Variants in STRN observed in about 807,000 individuals in gnomAD.
The protein encoded by STRN is striatin, also known as protein phosphatase 2 regulatory subunit B'''alpha.
In STRN, 53 loss-of-function variants were observed where a neutral mutation model predicts 96.3. The ratio of observed to expected loss-of-function variants is 0.55; its 90% CI spans 0.44 to 0.69. STRN has a LOEUF of 0.69. Ranked by LOEUF, STRN falls within the 30% of genes least tolerant of loss-of-function variation. STRN has a pLI of 0.00. For missense variants in STRN, 987 were observed against 963.9 expected (o/e 1.02, Z -0.32); for synonymous variants, 428 against 355.9 (o/e 1.20, Z -2.28).
intron 1 of STRN, among the ~76,000 whole-genome samples, chr2:36,939,855 T>C (rs1159714724): frequency 6.6e-6 from 1 of 152,208 alleles, no homozygotes; most frequent in Non-Finnish European, 1.5e-5. Flanking sequence ...AAAAGTCATA[T>C]ACTAGGGAAA....
intron 1 of STRN, among the ~76,000 whole-genome samples, chr2:36,957,742 G>GTTTTTTTGTTTT (rs1158709835): frequency 9.7e-6 from 1 of 103,132 alleles, no homozygotes. Context: ...TCTTCTTTTT[G>GTTTTTTTGTTTT]TCTTTTTTTT....
At chr2:36,958,363 G>A (rs552702620) in intron 1 of STRN, among the ~76,000 whole-genome samples, 2 of 152,262 alleles carry the variant, frequency 1.3e-5, no homozygotes, top group South Asian at 4.1e-4. Context: ...GAAACGCAAA[G>A]ACACTAACTA....
chr2:36,859,803 C>T (rs1364502890), intron 13 of STRN, among the ~76,000 whole-genome samples: 1 of 152,160 alleles, frequency 6.6e-6, no homozygotes, highest in Non-Finnish European at 1.5e-5. Flanking sequence ...GAGTTGTTAA[C>T]AATCTCAGAT....
At chr2:36,962,115 G>C (rs1366785728) in intron 1 of STRN, among the ~76,000 whole-genome samples, 1 of 152,146 alleles carries the variant, frequency 6.6e-6, no homozygotes, top group Non-Finnish European at 1.5e-5. Context: ...GGCAAGATCT[G>C]TATTTTTGCT....
intron 1 of STRN, among the ~76,000 whole-genome samples, chr2:36,953,786 C>T (rs989695989): frequency 3.9e-5 from 6 of 152,282 alleles, no homozygotes; most frequent in Admixed American, 1.3e-4. Flanking sequence ...AGAGCAAATA[C>T]ACAGTTAACA....
At chr2:36,899,185 C>T (rs527705398) in intron 6 of STRN, among the ~76,000 whole-genome samples, 2 of 152,176 alleles carry the variant, frequency 1.3e-5, no homozygotes, top group Non-Finnish European at 2.9e-5. Context: ...TGCCATCAGG[C>T]ACCATGATGT....
intron 5 of STRN, among the ~76,000 whole-genome samples, chr2:36,901,565 A>C (rs954083774): frequency 4.6e-4 from 70 of 151,460 alleles, no homozygotes; most frequent in Admixed American, 1.8e-3. Context: ...AAAAAAAAAA[A>C]AAAACATTTA....
At chr2:36,875,659 A>ATTT (rs70946955) in intron 10 of STRN, among the ~76,000 whole-genome samples, 7 of 142,504 alleles carry the variant, frequency 4.9e-5, no homozygotes, top group African/African-American at 1.0e-4. Context: ...AATAGAAATG[A>ATTT]TTTTTTTTTT....
At chr2:36,912,734 C>A (rs905057744) in intron 3 of STRN, among the ~76,000 whole-genome samples, 5 of 152,184 alleles carry the variant, frequency 3.3e-5, no homozygotes, top group African/African-American at 9.7e-5. Flanking sequence ...CACATCCATA[C>A]TTCTGGCTTA....
intron 1 of STRN, among the ~76,000 whole-genome samples, chr2:36,937,344 A>G (rs76036617): frequency 1.6e-4 from 1 of 6,420 alleles, no homozygotes; most frequent in African/African-American, 1.7e-4. Context: ...GACTGTCTCA[A>G]AAAAAAAAAA....
rs1668092199 is a variant in STRN, at chr2:36,846,907, T to A, written c.*2549A>T. Reference sequence around the variant, plus strand: ...CTAATTTTCATACTATTCCAATACATTTCAAACAAAATATTTACAAATGAA... The same window carrying A: ...CTAATTTTCATACTATTCCAATACAATTCAAACAAAATATTTACAAATGAA... On this transcript the variant is annotated 3_prime_UTR_variant, in exon 18 of 18. Coordinates refer to ENST00000263918, the MANE Select transcript of STRN (RefSeq NM_003162.4). 6.6e-6 allele frequency: 1 copy of A among 152,120 alleles called. No individual in the cohort carries two copies. Among genetic ancestry groups the A allele is most frequent in the African/African-American group, 2.4e-5 (1 of 41,446 alleles). 9.4% of individuals were successfully genotyped at this position (152,120 alleles called of 1,614,324 possible). A position where few individuals can be genotyped will look rare whatever the true frequency, so the allele number is the denominator to read the frequency against.
At position 36,883,940 on chromosome 2, in the gene STRN, G is replaced by T; in HGVS notation, c.1178C>A (p.Ala393Glu). The T allele has an allele frequency of 7.2e-7, 1 of 1,392,392 alleles. No homozygotes were observed. The highest frequency in any genetic ancestry group is 9.4e-7 in the Non-Finnish European group (1 of 1,067,198). 86.3% of individuals were successfully genotyped at this position (1,392,392 alleles called of 1,614,324 possible). ...SRLPEHEINRADEVEALTFPP... is the reference protein window; with the variant it reads ...SRLPEHEINREDEVEALTFPP... Reference sequence around the variant, plus strand: ...GTATCTTAAATACTTACCTTCATCTGCCCTATTAATTTCATGTTCAGGAAG... The same window carrying T: ...GTATCTTAAATACTTACCTTCATCTTCCCTATTAATTTCATGTTCAGGAAG... The change falls in exon 9 of 18, where the codon GCA becomes GAA. Residue 393 changes from alanine (A) to glutamate (E), a missense_variant. Ala to Glu is a moderately radical substitution (Grantham distance 107, BLOSUM62 -1). Coordinates refer to ENST00000263918, the MANE Select transcript of STRN (RefSeq NM_003162.4).
Position 36,959,016 on chromosome 2 carries a change from T to A in STRN, c.234+7214A>T, listed in dbSNP as rs192027669. Among the ~76,000 whole-genome samples the A allele has an allele frequency of 5.8e-4, 88 of 152,214 alleles. No individual in the cohort carries two copies. In the East Asian group the frequency reaches 9.7e-3, roughly 17 times the overall value. ...CTGTAGTCCCAGCTACTCGGGAGGC[T>A]GAGGCAGGAGAATTGCTTGAACCCA... is the stretch of plus-strand genomic sequence containing the variant. On this transcript the variant is annotated intron_variant, in intron 1 of 17. Coordinates refer to ENST00000263918, the MANE Select transcript of STRN (RefSeq NM_003162.4).
At chr2:36,864,875 G>T (rs1302098377) in intron 12 of STRN, among the ~76,000 whole-genome samples, 1 of 152,096 alleles carries the variant, frequency 6.6e-6, no homozygotes, top group Non-Finnish European at 1.5e-5. Flanking sequence ...ACCACGCCCA[G>T]CTAATTTTTT....
intron 2 of STRN, among the ~76,000 whole-genome samples, chr2:36,922,161 T>C (rs1183960749): frequency 1.3e-5 from 2 of 152,170 alleles, no homozygotes; most frequent in African/African-American, 2.4e-5. Context: ...TCATTTTCAA[T>C]TGGTGAATCT....
Position 36,838,036 on chromosome 2 carries a change from T to C in STRN, c.*11420A>G, listed in dbSNP as rs1667861150. On this transcript the variant is annotated 3_prime_UTR_variant, in exon 18 of 18. Coordinates refer to ENST00000263918, the MANE Select transcript of STRN (RefSeq NM_003162.4). ...GGGCAGAGGGACTTGGCAGATGTAATTAAAGCTACTAATCAGTTGACCTTA... is the reference window on the plus strand; with the variant it reads ...GGGCAGAGGGACTTGGCAGATGTAACTAAAGCTACTAATCAGTTGACCTTA... Among the ~76,000 whole-genome samples the C allele has an allele frequency of 6.6e-6, 1 of 152,218 alleles. No homozygotes were observed.
intron 1 of STRN, among the ~76,000 whole-genome samples, chr2:36,927,691 CA>C (rs942356184): frequency 2.6e-5 from 4 of 152,024 alleles, no homozygotes; most frequent in Admixed American, 2.6e-4. Context: ...AAATAAAGTA[CA>C]ATCAGATTTC....
At chr2:36,881,188 T>C (rs1369973788) in intron 9 of STRN, among the ~76,000 whole-genome samples, 2 of 147,980 alleles carry the variant, frequency 1.4e-5, no homozygotes, top group Non-Finnish European at 3.0e-5. Flanking sequence ...AGTGCAGTGG[T>C]GTGATGTCAG....
intron 1 of STRN, among the ~76,000 whole-genome samples, chr2:36,956,248 C>CA (rs1664884969): frequency 6.6e-6 from 1 of 152,142 alleles, no homozygotes; most frequent in South Asian, 2.1e-4. Flanking sequence ...AACAAAAAAG[C>CA]AAACCACTTA....
Sources: gnomAD v4.1 joint callset for allele counts (sites outside exome capture counted in the v4.1 genomes callset) on GRCh38, gnomAD v4.1.1 for gene constraint, MANE v1.5 for transcripts, NCBI Gene and HGNC (gene_info 2026-07-23, HGNC 2026-07-21) for gene names.